BTBD9: variants seen among roughly 807,000 people sequenced by gnomAD.
The protein encoded by BTBD9 is BTB domain containing 9, also known as BTB/POZ domain-containing protein 9.
Under a neutral mutation model 64.3 loss-of-function variants are expected in BTBD9, and 49 were observed. The observed-to-expected ratio is 0.76, with a 90% CI of 0.61 to 0.97. The LOEUF is 0.97. BTBD9 is among the 50% of genes least tolerant of loss of function. The pLI, the probability that BTBD9 is intolerant of heterozygous loss-of-function variation, is 0.00. For synonymous variants in BTBD9, 260 were observed against 274.7 expected (o/e 0.95, Z 0.53); for missense variants, 598 against 762.1 (o/e 0.78, Z 2.53).
At chr6:38,598,210 T>A in intron 1 of BTBD9, 89 bp from the exon 2 acceptor site, 1 of 991,658 alleles carries the variant, frequency 1.0e-6, no homozygotes, top group Non-Finnish European at 1.5e-6. Flanking sequence ...AGTAAAAATT[T>A]AAAGTGCTTA....
intron 6 of BTBD9, among the ~76,000 whole-genome samples, chr6:38,430,568 T>C (rs1192071026): frequency 1.3e-5 from 2 of 151,868 alleles, no homozygotes; most frequent in Non-Finnish European, 2.9e-5. Context: ...CAGGCTGGGG[T>C]GCAGAGGCAT....
chr6:38,503,645 CACCATTACCTACCA>C (rs929622268), intron 6 of BTBD9, among the ~76,000 whole-genome samples: 1 of 152,144 alleles, frequency 6.6e-6, no homozygotes, highest in Admixed American at 6.5e-5. Flanking sequence ...CCACACCAGT[CACCATTACCTACCA>C]ACTTCACACT....
At chr6:38,512,176 T>C (rs947165167) in intron 6 of BTBD9, among the ~76,000 whole-genome samples, 15 of 152,118 alleles carry the variant, frequency 9.9e-5, no homozygotes, top group Non-Finnish European at 1.5e-4. Context: ...TTTCTCCATG[T>C]TGGTCAGGCT....
intron 6 of BTBD9, among the ~76,000 whole-genome samples, chr6:38,511,870 G>A (rs892852873): frequency 1.3e-5 from 2 of 152,176 alleles, no homozygotes; most frequent in Non-Finnish European, 2.9e-5. Flanking sequence ...AACCTTAGAT[G>A]TGTACATGTA....
chr6:38,467,442 T>C (rs1770447062), intron 6 of BTBD9, among the ~76,000 whole-genome samples: 1 of 152,176 alleles, frequency 6.6e-6, no homozygotes, highest in African/African-American at 2.4e-5. Context: ...CCTCCCCCCA[T>C]ATTAGGCCAC....
At chr6:38,524,924 A>C (rs909540633) in intron 6 of BTBD9, among the ~76,000 whole-genome samples, 7 of 152,128 alleles carry the variant, frequency 4.6e-5, no homozygotes, top group Admixed American at 1.3e-4. Context: ...CAAACAAAGG[A>C]AGGCCAGCAA....
At chr6:38,593,911 G>A in intron 3 of BTBD9, 53 bp downstream of exon 3, 3 of 1,426,668 alleles carry the variant, frequency 2.1e-6, no homozygotes, top group South Asian at 1.3e-5. Flanking sequence ...CTACAGTATA[G>A]GTATAAATAA....
intron 6 of BTBD9, among the ~76,000 whole-genome samples, chr6:38,381,155 C>T (rs868046565): frequency 1.3e-5 from 2 of 151,992 alleles, no homozygotes; most frequent in Non-Finnish European, 2.9e-5. Flanking sequence ...AATTAATGTA[C>T]ATGGACTAAA....
intron 6 of BTBD9, among the ~76,000 whole-genome samples, chr6:38,575,325 G>A (rs755416824): frequency 6.6e-6 from 1 of 152,098 alleles, no homozygotes; most frequent in Non-Finnish European, 1.5e-5. Context: ...CACTGTGCAA[G>A]AATAATAAAA....
intron 1 of BTBD9, among the ~76,000 whole-genome samples, chr6:38,628,855 C>A (rs1248124096): frequency 6.6e-6 from 1 of 151,898 alleles, no homozygotes; most frequent in Non-Finnish European, 1.5e-5. Flanking sequence ...AATTTTCTAC[C>A]AAGTGTTCCT....
At chr6:38,325,610 G>A (rs60662487) in intron 7 of BTBD9, among the ~76,000 whole-genome samples, 14 of 152,260 alleles carry the variant, frequency 9.2e-5, no homozygotes, top group East Asian at 5.8e-4. Context: ...GCATGAACCC[G>A]GGAGGTGGAG....
At chr6:38,635,918 T>C (rs1391062426) in intron 1 of BTBD9, among the ~76,000 whole-genome samples, 2 of 152,186 alleles carry the variant, frequency 1.3e-5, no homozygotes, top group Non-Finnish European at 2.9e-5. Context: ...AATACTGATT[T>C]AAACGTCCAA....
intron 10 of BTBD9, among the ~76,000 whole-genome samples, chr6:38,185,856 A>G (rs1385520528): frequency 6.6e-6 from 1 of 152,090 alleles, no homozygotes; most frequent in Non-Finnish European, 1.5e-5. Flanking sequence ...GTCCTTCAAC[A>G]CGCTGTTATG....
intron 6 of BTBD9, among the ~76,000 whole-genome samples, chr6:38,503,325 C>T (rs578241603): frequency 3.8e-4 from 58 of 152,192 alleles, no homozygotes; most frequent in Non-Finnish European, 6.9e-4. Context: ...CCCTTCTCTC[C>T]AGGAGACGGC....
At chr6:38,198,544 C>T (rs2127490567) in intron 9 of BTBD9, among the ~76,000 whole-genome samples, 1 of 152,286 alleles carries the variant, frequency 6.6e-6, no homozygotes, top group Non-Finnish European at 1.5e-5. Context: ...GATTCAGGAT[C>T]CTGTGGCAAG....
At chr6:38,558,179 G>A (rs1294320406) in intron 6 of BTBD9, among the ~76,000 whole-genome samples, 2 of 151,874 alleles carry the variant, frequency 1.3e-5, no homozygotes, top group Non-Finnish European at 2.9e-5. Flanking sequence ...GGTAACTTGA[G>A]ACCAAGAGTT....
At chr6:38,373,240 G>A (rs965458808) in intron 6 of BTBD9, among the ~76,000 whole-genome samples, 9 of 152,138 alleles carry the variant, frequency 5.9e-5, no homozygotes, top group Non-Finnish European at 8.8e-5. Context: ...TAGACTGACT[G>A]TACATTTCAA....
chr6:38,504,115 G>A (rs963912047), intron 6 of BTBD9, among the ~76,000 whole-genome samples: 9 of 151,980 alleles, frequency 5.9e-5, no homozygotes, highest in Admixed American at 4.6e-4. Flanking sequence ...TCACTTCCCC[G>A]TCTGTCTCTT....
chr6:38,258,762 C>A (rs915539761), intron 8 of BTBD9, among the ~76,000 whole-genome samples: 1 of 152,106 alleles, frequency 6.6e-6, no homozygotes, highest in African/African-American at 2.4e-5. Flanking sequence ...TGGTGGTGGG[C>A]ACCTGTAATC....
Sources: allele counts gnomAD v4.1 joint callset (sites outside exome capture counted in the v4.1 genomes callset), GRCh38; gene constraint gnomAD v4.1.1; transcripts MANE v1.5; gene names NCBI Gene and HGNC (gene_info 2026-07-23, HGNC 2026-07-21).